MBOAT2: variants seen among roughly 807,000 people sequenced by gnomAD.
MBOAT2 encodes membrane bound glycerophospholipid O-acyltransferase 2.
MBOAT2 carries 28 observed loss-of-function variants against 63.4 expected under a neutral mutation model. The ratio of observed to expected loss-of-function variants is 0.44; its 90% CI spans 0.33 to 0.61. MBOAT2 has a LOEUF of 0.61. MBOAT2 is among the 20% of genes least tolerant of loss of function. MBOAT2 has a pLI of 0.03. For missense variants in MBOAT2, 470 were observed against 605.8 expected (o/e 0.78, Z 2.35); for synonymous variants, 211 against 215.6 (o/e 0.98, Z 0.19).
chr2:8,964,759 A>T (rs1463192412), intron 1 of MBOAT2, among the ~76,000 whole-genome samples: 1 of 152,248 alleles, frequency 6.6e-6, no homozygotes, highest in Non-Finnish European at 1.5e-5. Flanking sequence ...TGGTACTGTC[A>T]GACTACTAAT....
intron 1 of MBOAT2, among the ~76,000 whole-genome samples, chr2:8,961,763 C>T (rs892921959): frequency 2.0e-5 from 3 of 152,166 alleles, no homozygotes; most frequent in Admixed American, 6.5e-5. Context: ...TGAGTACACA[C>T]CCCTCAAATC....
At chr2:8,958,995 G>A (rs140551291) in intron 1 of MBOAT2, among the ~76,000 whole-genome samples, 2 of 152,272 alleles carry the variant, frequency 1.3e-5, no homozygotes, top group East Asian at 1.9e-4. Flanking sequence ...GTGTTTTAAT[G>A]ACTGAGGGAA....
Position 8,862,489 on chromosome 2 carries a change from C to G in MBOAT2, c.1185+101G>C. 1 of 1,451,340 alleles carries G rather than the reference C, an allele frequency of 6.9e-7. No homozygotes were observed. Among genetic ancestry groups the G allele is most frequent in the Non-Finnish European group, 9.4e-7 (1 of 1,068,174 alleles). The allele number at this position is 1,451,340 out of a possible 1,614,324, so 89.9% of individuals were successfully genotyped here. The stretch of plus-strand genomic sequence containing the variant: ...CTAGTGGAAAGGACAATACTGACCA[C>G]GACCAAGGAAAGAGGGTCTACCTTG... On this transcript the variant is annotated intron_variant, in intron 11 of 12. Transcript: ENST00000305997. This position sits in a 1 kb window ranked among gnomAD's most constrained non-coding sequence, Gnocchi z 4.3.
Position 8,857,410 on chromosome 2 carries a change from G to T in MBOAT2, c.*1269C>A, listed in dbSNP as rs1207094163. 1 of 152,334 alleles carries T rather than the reference G, an allele frequency of 6.6e-6. No individual in the cohort carries two copies. The highest frequency in any genetic ancestry group is 1.9e-4 in the East Asian group (1 of 5,194). 9.4% of individuals were successfully genotyped at this position (152,334 alleles called of 1,614,324 possible). A position where few individuals can be genotyped will look rare whatever the true frequency, so the allele number is the denominator to read the frequency against. ...GGAGATGCTTAGTAATCCAAGGCAA[G>T]ATTAGTTGTGGTAAAAATGGCCCAT... On this transcript the variant is annotated 3_prime_UTR_variant, in exon 13 of 13. Transcript: ENST00000305997.
rs1333391818 is a variant in MBOAT2, at chr2:8,954,395, G to A, written c.221+4102C>T. Among the ~76,000 whole-genome samples the A allele has an allele frequency of 3.9e-5, 6 of 152,180 alleles. No homozygotes were observed. The East Asian group carries it at 5.8e-4, about 15-fold the overall frequency. ...TGGTCTGAGCTCCCTGCTCAGCCCTGGGGGGCAGGGGCCACAAAGAGCAGG... is the reference window on the plus strand; with the variant it reads ...TGGTCTGAGCTCCCTGCTCAGCCCTAGGGGGCAGGGGCCACAAAGAGCAGG... On this transcript the variant is annotated intron_variant, in intron 2 of 12. Transcript: ENST00000305997.
chr2:8,935,556 TAC>T, intron 3 of MBOAT2, among the ~76,000 whole-genome samples: 1 of 152,272 alleles, frequency 6.6e-6, no homozygotes, highest in East Asian at 1.9e-4. Flanking sequence ...AACAGCAAAA[TAC>T]TTCAGAAGTA....
intron 2 of MBOAT2, among the ~76,000 whole-genome samples, chr2:8,951,723 T>C (rs1342128614): frequency 6.6e-6 from 1 of 152,252 alleles, no homozygotes; most frequent in South Asian, 2.1e-4. Context: ...TGCACAGAGA[T>C]GTTTATAATA....
At chr2:8,985,402 G>T (rs1270878445) in intron 1 of MBOAT2, among the ~76,000 whole-genome samples, 1 of 152,074 alleles carries the variant, frequency 6.6e-6, no homozygotes, top group African/African-American at 2.4e-5. Flanking sequence ...CCCCCAAATA[G>T]AATATTGAGA....
chr2:8,912,377 A>G (rs35750554), intron 3 of MBOAT2, among the ~76,000 whole-genome samples: 2,567 of 61,836 alleles, frequency 0.042, 40 homozygotes, highest in Non-Finnish European at 0.057. Flanking sequence ...AAGAAAGAGA[A>G]AGAAAGAAAG....
intron 8 of MBOAT2, among the ~76,000 whole-genome samples, chr2:8,869,111 A>G (rs971140969): frequency 6.6e-6 from 1 of 151,980 alleles, no homozygotes. Flanking sequence ...GAGTGGCAGG[A>G]TTATAGCTCA....
intron 1 of MBOAT2, among the ~76,000 whole-genome samples, chr2:8,968,520 C>T (rs1670177796): frequency 1.3e-5 from 2 of 152,230 alleles, no homozygotes; most frequent in South Asian, 4.1e-4. Flanking sequence ...TGGAACAAAG[C>T]TGGATGGAGA....
Position 9,003,088 on chromosome 2 carries a change from G to T in MBOAT2, c.75+452C>A, listed in dbSNP as rs1672822387. 6.6e-6 allele frequency among the ~76,000 whole-genome samples: 1 copy of T among 152,112 alleles called. No homozygotes were observed. The highest frequency in any genetic ancestry group is 6.5e-5 in the Admixed American group (1 of 15,282). ...GACCCATGCATCAGCCTCTCCGGGG[G>T]TCGCTCAGAGGCGCGCGCGGGGCAG... On this transcript the variant is annotated intron_variant, in intron 1 of 12. Transcript: ENST00000305997. The surrounding 1 kb of genome is among the most constrained non-coding windows in gnomAD (Gnocchi z 5.4).
At chr2:8,979,306 A>G (rs958784916) in intron 1 of MBOAT2, among the ~76,000 whole-genome samples, 2 of 152,144 alleles carry the variant, frequency 1.3e-5, no homozygotes, top group Admixed American at 6.6e-5. Flanking sequence ...TACATAATAC[A>G]CTATCTAAAT....
chr2:8,965,179 G>C (rs962437089), intron 1 of MBOAT2, among the ~76,000 whole-genome samples: 1 of 152,164 alleles, frequency 6.6e-6, no homozygotes, highest in African/African-American at 2.4e-5. Context: ...AATAGTTCAA[G>C]TGTAATTATA....
intron 4 of MBOAT2, among the ~76,000 whole-genome samples, chr2:8,895,010 A>C (rs551925832): frequency 2.0e-5 from 3 of 152,334 alleles, no homozygotes; most frequent in Admixed American, 2.0e-4. Context: ...GGTCTTGCTG[A>C]CTTCAGGAGT....
rs544882034 is a variant in MBOAT2 at position 8,950,674 on chromosome 2, G to A, written c.222-7410C>T. Among the ~76,000 whole-genome samples, 22 of 152,164 alleles carry A rather than the reference G, an allele frequency of 1.4e-4. No individual in the cohort carries two copies. In the East Asian group the frequency reaches 1.5e-3, roughly 11 times the overall value. On this transcript the variant is annotated intron_variant, in intron 2 of 12. Transcript: ENST00000305997. The stretch of plus-strand genomic sequence containing the variant: ...GATCTTCTGACCTCATGATCCACCC[G>A]TCTCGGCCTCCCAAAGTGCTGGGAT...
intron 3 of MBOAT2, among the ~76,000 whole-genome samples, chr2:8,915,604 CTTTTAAA>C (rs1183434923): frequency 2.0e-5 from 3 of 152,110 alleles, no homozygotes; most frequent in African/African-American, 7.2e-5. Context: ...GCTATCTTGT[CTTTTAAA>C]TTAGACTGCA....
chr2:8,990,420 T>C (rs937327028), intron 1 of MBOAT2, among the ~76,000 whole-genome samples: 3 of 152,216 alleles, frequency 2.0e-5, no homozygotes, highest in East Asian at 3.8e-4. Flanking sequence ...TCTGGCATTA[T>C]AGTCTTTGCT....
At chr2:8,958,899 G>T (rs1459959976) in intron 1 of MBOAT2, among the ~76,000 whole-genome samples, 1 of 152,208 alleles carries the variant, frequency 6.6e-6, no homozygotes, top group Non-Finnish European at 1.5e-5. Context: ...GGTGTAGAAG[G>T]ACACCTGGAA....
Sources: allele counts gnomAD v4.1 joint callset (sites outside exome capture counted in the v4.1 genomes callset), GRCh38; gene constraint gnomAD v4.1.1; non-coding constraint Gnocchi (gnomAD v3.1); transcripts MANE v1.5; gene names NCBI Gene and HGNC (gene_info 2026-07-23, HGNC 2026-07-21).